Variants in UBE2E2 observed in about 807,000 individuals in gnomAD.
UBE2E2 encodes the protein ubiquitin conjugating enzyme E2 E2, also known as ubiquitin-conjugating enzyme E2 E2.
UBE2E2 carries 6 observed loss-of-function variants against 24.7 expected under a neutral mutation model. The ratio of observed to expected loss-of-function variants is 0.24; its 90% CI spans 0.13 to 0.48. The LOEUF is 0.48. UBE2E2 is among the 20% of genes least tolerant of loss of function. The probability of loss-of-function intolerance (pLI) is 0.99; values close to 1 mark genes in which losing one functional copy is unlikely to be tolerated. For missense variants in UBE2E2, 169 were observed against 245.0 expected, an observed-to-expected ratio of 0.69 and a Z score of 2.07; for synonymous variants, 104 against 83.6, an observed-to-expected ratio of 1.24 and a Z score of -1.33.
chr3:23,208,299 G>C (rs1696207748), intron 1 of UBE2E2, among the ~76,000 whole-genome samples: 2 of 152,072 alleles, frequency 1.3e-5, no homozygotes, highest in South Asian at 4.1e-4. Flanking sequence ...TCACTTACCA[G>C]AATGTTTCAA....
At chr3:23,243,206 T>G (rs1284742120) in intron 3 of UBE2E2, among the ~76,000 whole-genome samples, 1 of 152,150 alleles carries the variant, frequency 6.6e-6, no homozygotes, top group Non-Finnish European at 1.5e-5. Context: ...GACGCCATCC[T>G]AGTTTGTTTT....
At position 23,590,161 on chromosome 3, in the gene UBE2E2, A is replaced by G; in HGVS notation, c.*330A>G. 4.4e-6 allele frequency: 1 copy of G among 226,178 alleles called. No homozygotes were observed. The highest frequency in any genetic ancestry group is 9.0e-5 in the East Asian group (1 of 11,116). The allele number at this position is 226,178 out of a possible 1,614,324, so 14.0% of individuals were successfully genotyped here. The stretch of plus-strand genomic sequence containing the variant: ...GCTGTAATAGTAAGAGCTTTCTTAC[A>G]AAGCTTTGTATTACTGTGTGGTTTT... On this transcript the variant is annotated 3_prime_UTR_variant, in exon 6 of 6. Coordinates refer to ENST00000396703, the MANE Select transcript of UBE2E2 (RefSeq NM_152653.4).
At chr3:23,368,012 T>TA (rs1470032797) in intron 3 of UBE2E2, among the ~76,000 whole-genome samples, 1 of 152,172 alleles carries the variant, frequency 6.6e-6, no homozygotes, top group Non-Finnish European at 1.5e-5. Context: ...GAATGGTCGA[T>TA]ACACATATAG....
At chr3:23,347,822 G>A (rs894935614) in intron 3 of UBE2E2, among the ~76,000 whole-genome samples, 5 of 152,080 alleles carry the variant, frequency 3.3e-5, no homozygotes, top group African/African-American at 9.7e-5. Context: ...AGTGAGGAAT[G>A]TTTATTCTTA....
intron 3 of UBE2E2, among the ~76,000 whole-genome samples, chr3:23,318,720 T>C (rs1694654189): frequency 6.6e-6 from 1 of 152,156 alleles, no homozygotes; most frequent in Non-Finnish European, 1.5e-5. Context: ...TGGGGGAAAC[T>C]GCCCCCATGA....
At chr3:23,383,769 A>G (rs932122514) in intron 3 of UBE2E2, among the ~76,000 whole-genome samples, 3 of 151,630 alleles carry the variant, frequency 2.0e-5, no homozygotes, top group East Asian at 1.9e-4. Flanking sequence ...AAGCTTGATG[A>G]TATATACTTA....
At chr3:23,568,563 C>T (rs957900683) in intron 5 of UBE2E2, among the ~76,000 whole-genome samples, 9 of 149,334 alleles carry the variant, frequency 6.0e-5, no homozygotes, top group African/African-American at 1.5e-4. Flanking sequence ...CAGAAACAAA[C>T]GCTTGTATAT....
intron 3 of UBE2E2, among the ~76,000 whole-genome samples, chr3:23,444,016 A>G (rs1164463525): frequency 6.6e-6 from 1 of 150,846 alleles, no homozygotes; most frequent in Non-Finnish European, 1.5e-5. Flanking sequence ...TGAGGCAGTA[A>G]TTGATACACA....
chr3:23,355,360 A>T (rs1454768600), intron 3 of UBE2E2, among the ~76,000 whole-genome samples: 1 of 152,140 alleles, frequency 6.6e-6, no homozygotes, highest in Non-Finnish European at 1.5e-5. Flanking sequence ...ATGTACCCTA[A>T]AACTTAAAGT....
chr3:23,240,903 T>C (rs1176486451), intron 3 of UBE2E2, among the ~76,000 whole-genome samples: 2 of 152,214 alleles, frequency 1.3e-5, no homozygotes, highest in Admixed American at 6.5e-5. Context: ...ATTTATTATA[T>C]TGATTAGCTA....
At chr3:23,501,174 G>A (rs1294134752) in intron 4 of UBE2E2, among the ~76,000 whole-genome samples, 1 of 152,232 alleles carries the variant, frequency 6.6e-6, no homozygotes, top group African/African-American at 2.4e-5. Context: ...GAGTGAGGAA[G>A]GAGGAGGAAA....
intron 3 of UBE2E2, among the ~76,000 whole-genome samples, chr3:23,256,140 T>C (rs1446090031): frequency 6.6e-6 from 1 of 152,228 alleles, no homozygotes; most frequent in Non-Finnish European, 1.5e-5. Context: ...AGCATATGAG[T>C]TGCAACCACC....
intron 3 of UBE2E2, among the ~76,000 whole-genome samples, chr3:23,224,930 C>G (rs1696776445): frequency 6.7e-6 from 1 of 148,436 alleles, no homozygotes; most frequent in South Asian, 2.1e-4. Context: ...CCCAGTTTTT[C>G]TCCACAACTT....
intron 3 of UBE2E2, among the ~76,000 whole-genome samples, chr3:23,334,487 GTATATT>G (rs1433160747): frequency 6.6e-6 from 1 of 152,034 alleles, no homozygotes; most frequent in African/African-American, 2.4e-5. Flanking sequence ...AAAGAGGCTA[GTATATT>G]TATATTTCAC....
chr3:23,441,164 A>G (rs1390738185), intron 3 of UBE2E2, among the ~76,000 whole-genome samples: 1 of 152,072 alleles, frequency 6.6e-6, no homozygotes, highest in Non-Finnish European at 1.5e-5. Context: ...ATGAAAACTA[A>G]TATCCACCCT....
intron 3 of UBE2E2, among the ~76,000 whole-genome samples, chr3:23,275,050 C>G (rs1052098820): frequency 2.0e-5 from 3 of 152,186 alleles, no homozygotes; most frequent in Middle Eastern, 3.2e-3. Flanking sequence ...ATCTGAGTGC[C>G]TACTGTGTGT....
intron 3 of UBE2E2, among the ~76,000 whole-genome samples, chr3:23,438,400 G>C (rs1404221749): frequency 6.6e-6 from 1 of 152,138 alleles, no homozygotes; most frequent in African/African-American, 2.4e-5. Flanking sequence ...CAAAGGATTG[G>C]CAGAAATAGT....
chr3:23,254,991 G>A (rs71317822), intron 3 of UBE2E2, among the ~76,000 whole-genome samples: 10,133 of 151,648 alleles, frequency 0.067, 487 homozygotes, highest in Non-Finnish European at 0.09. Flanking sequence ...AGCCAGTGCT[G>A]CATAAGTGGT....
Position 23,280,738 on chromosome 3 carries a change from T to A in UBE2E2, c.227+63426T>A, listed in dbSNP as rs955622214. ...GACTAAAGGAATGAGTACTGGAGAC[T>A]AGCCTCTATGTTTCTTACTCACTTC... On this transcript the variant is annotated intron_variant, in intron 3 of 5. Coordinates refer to ENST00000396703, the MANE Select transcript of UBE2E2 (RefSeq NM_152653.4). This position sits in a 1 kb window ranked among gnomAD's most constrained non-coding sequence, Gnocchi z 4.3. Among the ~76,000 whole-genome samples the A allele has an allele frequency of 6.6e-6, 1 of 152,242 alleles. No individual in the cohort carries two copies. The highest frequency in any genetic ancestry group is 1.5e-5 in the Non-Finnish European group (1 of 68,048).
Sources: gnomAD v4.1 joint callset for allele counts (sites outside exome capture counted in the v4.1 genomes callset) on GRCh38, gnomAD v4.1.1 for gene constraint, Gnocchi (gnomAD v3.1) non-coding constraint, MANE v1.5 for transcripts, NCBI Gene and HGNC (gene_info 2026-07-23, HGNC 2026-07-21) for gene names.